EIF4E2: variants seen among roughly 807,000 people sequenced by gnomAD.
EIF4E2 encodes the protein eukaryotic translation initiation factor 4E family member 2.
Under a neutral mutation model 34.2 loss-of-function variants are expected in EIF4E2, and 13 were observed. The ratio of observed to expected loss-of-function variants is 0.38; its 90% CI spans 0.25 to 0.60. The LOEUF is 0.60. Ranked by LOEUF, EIF4E2 falls within the 20% of genes least tolerant of loss-of-function variation. EIF4E2 has a pLI of 0.62. For synonymous variants in EIF4E2, 100 were observed against 106.6 expected (o/e 0.94, Z 0.38); for missense variants, 222 against 315.1 (o/e 0.70, Z 2.24).
At chr2:232,570,917 A>G (rs560494720), downstream of EIF4E2, among the ~76,000 whole-genome samples, 69 of 152,344 alleles carry the variant, frequency 4.5e-4, no homozygotes, top group South Asian at 7.3e-3. Context: ...AGCCTGAGCA[A>G]CAAGAGCAAA....
Position 232,569,153 on chromosome 2 carries a change from G to A in EIF4E2, c.*136G>A. 1.4e-6 allele frequency: 2 copies of A among 1,474,290 alleles called. No homozygotes were observed. Among genetic ancestry groups the A allele is most frequent in the Non-Finnish European group, 9.0e-7 (1 of 1,113,600 alleles). The allele number at this position is 1,474,290 out of a possible 1,614,324, so 91.3% of individuals were successfully genotyped here. A position where few individuals can be genotyped will look rare whatever the true frequency, so the allele number is the denominator to read the frequency against. ...AGAGCATTTTATGTTTTAAGAACAG[G>A]CTGACACGCAGCAGCTACAACAACA... is the stretch of plus-strand genomic sequence containing the variant. On this transcript the variant is annotated 3_prime_UTR_variant, in exon 7 of 7. Coordinates refer to ENST00000258416, the MANE Select transcript of EIF4E2 (RefSeq NM_004846.4).
chr2:232,575,989 A>G (rs1693203750), intron 6 of EIF4E2, among the ~76,000 whole-genome samples: 1 of 152,096 alleles, frequency 6.6e-6, no homozygotes, highest in Non-Finnish European at 1.5e-5. Flanking sequence ...GCAGATCACG[A>G]GGTCAAGAGA....
intron 3 of EIF4E2, among the ~76,000 whole-genome samples, chr2:232,562,985 A>G (rs1692774307): frequency 6.6e-6 from 1 of 152,222 alleles, no homozygotes; most frequent in African/African-American, 2.4e-5. Context: ...AGAGGAACTA[A>G]AGGGACAGCC....
chr2:232,557,271 C>T (rs1460858461), intron 2 of EIF4E2, among the ~76,000 whole-genome samples: 1 of 152,100 alleles, frequency 6.6e-6, no homozygotes, highest in Non-Finnish European at 1.5e-5. Context: ...AATATCAAAG[C>T]AATCACTAAT....
chr2:232,572,814 G>A (rs1489812151), downstream of EIF4E2, among the ~76,000 whole-genome samples: 2 of 152,232 alleles, frequency 1.3e-5, no homozygotes, highest in African/African-American at 4.8e-5. Context: ...AGAGAGAACT[G>A]CTCGGTGTAG....
chr2:232,568,990 C>T lies in EIF4E2; in HGVS notation c.711C>T (p.Leu237=), dbSNP rs1313941393. The T allele has an allele frequency of 6.2e-7, 1 of 1,614,212 alleles. No homozygotes were observed. Among genetic ancestry groups the T allele is most frequent in the East Asian group, 2.2e-5 (1 of 44,892 alleles). ...LGPQRLLFQN[L]WKPRLNVP Reference sequence around the variant, plus strand: ...CCCAAAGGCTCCTTTTTCAAAACCTCTGGAAGCCGCGGTTGAATGTGCCAT... The same window carrying T: ...CCCAAAGGCTCCTTTTTCAAAACCTTTGGAAGCCGCGGTTGAATGTGCCAT... Residue 237 remains leucine, a synonymous_variant, in exon 7 of 7, where the codon CTC becomes CTT. Coordinates refer to ENST00000258416, the MANE Select transcript of EIF4E2 (RefSeq NM_004846.4).
chr2:232,563,375 C>A (rs1009374989), intron 3 of EIF4E2, among the ~76,000 whole-genome samples: 6 of 149,854 alleles, frequency 4.0e-5, no homozygotes, highest in African/African-American at 1.5e-4. Flanking sequence ...GCTGCGTAGA[C>A]CCTGTCTCTT....
chr2:232,561,700 A>G (rs555563853), intron 3 of EIF4E2, among the ~76,000 whole-genome samples: 1 of 152,224 alleles, frequency 6.6e-6, no homozygotes, highest in Non-Finnish European at 1.5e-5. Flanking sequence ...GGAAGGCATC[A>G]TCTTGAAATG....
chr2:232,578,412 C>A (rs1358848580), intron 6 of EIF4E2, among the ~76,000 whole-genome samples: 1 of 152,158 alleles, frequency 6.6e-6, no homozygotes, highest in Non-Finnish European at 1.5e-5. Context: ...GTGGGCGGAT[C>A]ATGAGGTCAA....
At position 232,567,452 on chromosome 2, in the gene EIF4E2, C is replaced by G; in HGVS notation, c.665+238C>G. ...GCCCATCTGCAGAAACCCAGTTGTA[C>G]TACCTGGGCTTGCTTAATTTCTACA... On this transcript the variant is annotated intron_variant, in intron 6 of 6. Coordinates refer to ENST00000258416, the MANE Select transcript of EIF4E2 (RefSeq NM_004846.4). The G allele has an allele frequency of 2.3e-6, 3 of 1,310,604 alleles. No individual in the cohort carries two copies. In the South Asian group the frequency reaches 7.5e-5, roughly 33 times the overall value. 81.2% of individuals were successfully genotyped at this position (1,310,604 alleles called of 1,614,324 possible). A position where few individuals can be genotyped will look rare whatever the true frequency, so the allele number is the denominator to read the frequency against.
intron 6 of EIF4E2, chr2:232,567,546 T>C: frequency 1.6e-6 from 2 of 1,243,064 alleles, no homozygotes; most frequent in Non-Finnish European, 1.0e-6. Flanking sequence ...TTTTTCTTGC[T>C]GTTTTTTAAG....
At chr2:232,556,599 T>A in intron 2 of EIF4E2, 69 bp downstream of exon 2, 2 of 1,132,494 alleles carry the variant, frequency 1.8e-6, no homozygotes, top group Non-Finnish European at 2.6e-6. Context: ...GGAATCTGTT[T>A]ATCTGGAAGA....
exon 7 of EIF4E2, chr2:232,583,573 CAA>C (rs997728266): frequency 1.3e-5 from 2 of 152,042 alleles, no homozygotes; most frequent in African/African-American, 4.8e-5. Context: ...GAGGCTATGA[CAA>C]GAGTGATTTA....
downstream of EIF4E2, among the ~76,000 whole-genome samples, chr2:232,570,394 T>C (rs1190456): frequency 0.8 from 121,947 of 152,200 alleles, 49,307 homozygotes; most frequent in African/African-American, 0.91. Context: ...CTTCTCTGGC[T>C]CTTTCCCTCT....
At chr2:232,564,434 G>GTATTT (rs10603391) in intron 4 of EIF4E2, 83 bp downstream of exon 4, 7,053 of 528,532 alleles carry the variant, frequency 0.013, 78 homozygotes, top group Non-Finnish European at 0.017. Flanking sequence ...AAGGTTAAAA[G>GTATTT]TATTTTATTT....
At chr2:232,553,220 CGTAAG>C (rs1692406441) in intron 1 of EIF4E2, among the ~76,000 whole-genome samples, 3 of 63,932 alleles carry the variant, frequency 4.7e-5, no homozygotes, top group African/African-American at 9.8e-5. Context: ...AACGTAAAAC[CGTAAG>C]ATGCTTTCAC....
At chr2:232,578,887 T>C (rs1050830250) in intron 6 of EIF4E2, among the ~76,000 whole-genome samples, 1 of 152,078 alleles carries the variant, frequency 6.6e-6, no homozygotes, top group African/African-American at 2.4e-5. Flanking sequence ...GCTCCTACCT[T>C]CCCATATCCC....
intron 3 of EIF4E2, among the ~76,000 whole-genome samples, chr2:232,563,906 C>T (rs1430904949): frequency 6.6e-6 from 1 of 152,190 alleles, no homozygotes; most frequent in Non-Finnish European, 1.5e-5. Context: ...AAACCTGGTC[C>T]TCTTACTGCA....
intron 2 of EIF4E2, 153 bp downstream of exon 2, chr2:232,556,683 G>T: frequency 1.6e-6 from 1 of 620,020 alleles, no homozygotes; most frequent in Non-Finnish European, 2.8e-6. Flanking sequence ...TGCAATCATT[G>T]ATGTTCATTT....
Sources: gnomAD v4.1 joint callset for allele counts (sites outside exome capture counted in the v4.1 genomes callset) on GRCh38, gnomAD v4.1.1 for gene constraint, MANE v1.5 for transcripts, NCBI Gene and HGNC (gene_info 2026-07-23, HGNC 2026-07-21) for gene names.